The following SPIDR variants were observed in gnomAD, a reference collection of about 807,000 sequenced individuals.
SPIDR encodes the protein scaffold protein involved in DNA repair, also known as DNA repair-scaffolding protein.
Under a neutral mutation model 104.6 loss-of-function variants are expected in SPIDR, and 93 were observed. The ratio of observed to expected loss-of-function variants is 0.89; its 90% CI spans 0.75 to 1.06. The LOEUF is 1.06. Among genes scored for constraint, SPIDR ranks in the 50% least tolerant of loss-of-function variants. The pLI is 0.00. For synonymous variants in SPIDR, 431 were observed against 416.9 expected, an observed-to-expected ratio of 1.03 and a Z score of -0.41; for missense variants, 1,154 against 1,111.2, an observed-to-expected ratio of 1.04 and a Z score of -0.55.
At chr8:47,364,859 G>A (rs1554633373) in intron 5 of SPIDR, among the ~76,000 whole-genome samples, 2 of 152,128 alleles carry the variant, frequency 1.3e-5, no homozygotes, top group Non-Finnish European at 2.9e-5. Flanking sequence ...TGATTTTCCT[G>A]ACTTTCCCTG....
chr8:47,591,111 G>A (rs1183963805), intron 8 of SPIDR, among the ~76,000 whole-genome samples: 1 of 150,908 alleles, frequency 6.6e-6, no homozygotes, highest in African/African-American at 2.4e-5. Context: ...TCTTTTAATT[G>A]GTTTATTTAG....
intron 11 of SPIDR, among the ~76,000 whole-genome samples, chr8:47,684,420 AGC>A (rs2077492399): frequency 6.6e-6 from 1 of 152,204 alleles, no homozygotes; most frequent in Non-Finnish European, 1.5e-5. Context: ...TGAGGGGAGA[AGC>A]TGTGATTCAG....
At chr8:47,294,970 C>G (rs1307276493) in intron 5 of SPIDR, among the ~76,000 whole-genome samples, 1 of 152,098 alleles carries the variant, frequency 6.6e-6, no homozygotes, top group Non-Finnish European at 1.5e-5. Flanking sequence ...AGTGTTGCGT[C>G]ATGTCTCATT....
chr8:47,560,274 T>C (rs2056894242), intron 8 of SPIDR, among the ~76,000 whole-genome samples: 1 of 152,210 alleles, frequency 6.6e-6, no homozygotes, highest in African/African-American at 2.4e-5. Flanking sequence ...CTTTCACATA[T>C]AGTGCTGGTA....
intron 11 of SPIDR, among the ~76,000 whole-genome samples, chr8:47,687,309 T>G (rs1490525265): frequency 6.6e-6 from 1 of 152,246 alleles, no homozygotes; most frequent in East Asian, 1.9e-4. Context: ...TTTTACCCAC[T>G]GGATATTTAC....
intron 8 of SPIDR, among the ~76,000 whole-genome samples, chr8:47,560,078 T>C (rs568760648): frequency 9.5e-4 from 145 of 152,290 alleles, no homozygotes; most frequent in African/African-American, 3.3e-3. Flanking sequence ...ATACATCTTA[T>C]CAAAAGTGGT....
intron 8 of SPIDR, among the ~76,000 whole-genome samples, chr8:47,565,999 T>TTTTTTTTA (rs1564351761): frequency 1.1e-4 from 10 of 88,080 alleles, no homozygotes; most frequent in Non-Finnish European, 7.3e-5. Flanking sequence ...TATATTTTTT[T>TTTTTTTTA]TTTTTTTTTT....
At chr8:47,394,999 A>T (rs1311058652) in intron 5 of SPIDR, among the ~76,000 whole-genome samples, 3 of 152,142 alleles carry the variant, frequency 2.0e-5, no homozygotes, top group Admixed American at 2.0e-4. Flanking sequence ...GAAGGTGACT[A>T]CCCAAGCAGT....
chr8:47,377,857 T>G (rs2058848110), intron 5 of SPIDR, among the ~76,000 whole-genome samples: 1 of 152,210 alleles, frequency 6.6e-6, no homozygotes, highest in Non-Finnish European at 1.5e-5. Flanking sequence ...AATAAGAATC[T>G]CTAGTAGCAT....
intron 8 of SPIDR, among the ~76,000 whole-genome samples, chr8:47,566,346 C>T (rs2057848405): frequency 6.6e-6 from 1 of 151,968 alleles, no homozygotes; most frequent in South Asian, 2.1e-4. Context: ...CCCTCCTAAC[C>T]TTAAATGATT....
Position 47,727,188 on chromosome 8 carries a change from T to C in SPIDR, c.2342-12T>C. 1 of 1,613,890 alleles carries C rather than the reference T, an allele frequency of 6.2e-7. No individual in the cohort carries two copies. The highest frequency in any genetic ancestry group is 8.5e-7 in the Non-Finnish European group (1 of 1,179,864). On this transcript the variant is annotated splice_polypyrimidine_tract_variant and intron_variant, in intron 16 of 19. Transcript: ENST00000297423. Reference sequence around the variant, plus strand: ...CCGCCTCTGAGGTGGGCTTTCCTTCTCTTGGGCCTAGGCACTGTGGTTGGC... The same window carrying C: ...CCGCCTCTGAGGTGGGCTTTCCTTCCCTTGGGCCTAGGCACTGTGGTTGGC...
Position 47,729,290 on chromosome 8 carries a change from G to A in SPIDR, c.2551-122G>A. The A allele has an allele frequency of 2.7e-6, 4 of 1,461,502 alleles. No individual in the cohort carries two copies. The South Asian group carries it at 5.0e-5, about 18-fold the overall frequency. The allele number at this position is 1,461,502 out of a possible 1,614,324, so 90.5% of individuals were successfully genotyped here. On this transcript the variant is annotated intron_variant, in intron 18 of 19. Coordinates refer to ENST00000297423, the MANE Select transcript of SPIDR (RefSeq NM_001080394.4). ...ACACATCTTTGACCTAAGGCCGTGA[G>A]ACTGAAGCTCTGAAGACAGGTGGTT... is the stretch of plus-strand genomic sequence containing the variant.
Position 47,324,917 on chromosome 8 carries a change from G to A in SPIDR, c.525+30887G>A. ...GCTGGCAGGGTTGATTTCTCCTGAG[G>A]CCTCTCTCTGTGGCTTGCAAGGTGG... On this transcript the variant is annotated intron_variant, in intron 5 of 19. Coordinates refer to ENST00000297423, the MANE Select transcript of SPIDR (RefSeq NM_001080394.4). 1.3e-5 allele frequency among the ~76,000 whole-genome samples: 2 copies of A among 152,102 alleles called. 1 individual carries two copies. The highest frequency in any genetic ancestry group is 2.9e-5 in the Non-Finnish European group (2 of 68,012).
rs181625585 is a variant in SPIDR, at chr8:47,413,531, G to C, written c.877+5570G>C. Among the ~76,000 whole-genome samples, 352 of 152,334 alleles carry C rather than the reference G, an allele frequency of 2.3e-3. 5 individuals carry two copies. Among genetic ancestry groups the C allele is most frequent in the East Asian group, 1.2e-3 (6 of 5,184 alleles). The stretch of plus-strand genomic sequence containing the variant: ...AACCAAATAGTCCAAATTGGACTTT[G>C]CATGTTTAGTTCAGGTAGCTGTCTT... On this transcript the variant is annotated intron_variant, in intron 7 of 19. Coordinates refer to ENST00000297423, the MANE Select transcript of SPIDR (RefSeq NM_001080394.4).
intron 5 of SPIDR, among the ~76,000 whole-genome samples, chr8:47,340,800 G>T (rs1176069669): frequency 6.6e-6 from 1 of 152,116 alleles, no homozygotes; most frequent in Non-Finnish European, 1.5e-5. Flanking sequence ...TTAAAATTCT[G>T]GATACTAAAG....
intron 7 of SPIDR, among the ~76,000 whole-genome samples, chr8:47,416,671 G>T (rs1281189372): frequency 1.3e-5 from 2 of 151,988 alleles, no homozygotes; most frequent in Non-Finnish European, 2.9e-5. Context: ...TGCACAACAT[G>T]CAGGTTTCTT....
At chr8:47,381,285 T>C (rs2059297126) in intron 5 of SPIDR, among the ~76,000 whole-genome samples, 1 of 152,342 alleles carries the variant, frequency 6.6e-6, no homozygotes, top group Non-Finnish European at 1.5e-5. Flanking sequence ...AACGCAGGCA[T>C]ATGATAACCA....
chr8:47,412,067 A>G (rs1218833198), intron 7 of SPIDR, among the ~76,000 whole-genome samples: 2 of 152,116 alleles, frequency 1.3e-5, no homozygotes, highest in Admixed American at 6.5e-5. Flanking sequence ...GCCTTGTAGC[A>G]TAGTTTGAAG....
At chr8:47,612,406 G>T (rs764990198) in intron 10 of SPIDR, among the ~76,000 whole-genome samples, 6 of 152,154 alleles carry the variant, frequency 3.9e-5, no homozygotes, top group African/African-American at 7.2e-5. Context: ...TAAAATTTTT[G>T]AACGTAATTC....
Sources: allele counts gnomAD v4.1 joint callset (sites outside exome capture counted in the v4.1 genomes callset), GRCh38; gene constraint gnomAD v4.1.1; transcripts MANE v1.5; gene names NCBI Gene and HGNC (gene_info 2026-07-23, HGNC 2026-07-21).